Variants in DYSF observed in about 807,000 individuals in gnomAD.
The protein encoded by DYSF is dysferlin, also known as dystrophy-associated fer-1-like 1.
In DYSF, 212 loss-of-function variants were observed where a neutral mutation model predicts 274.9. The ratio of observed to expected loss-of-function variants is 0.77; its 90% confidence interval spans 0.69 to 0.86. DYSF has a LOEUF of 0.86. DYSF is among the 40% of genes least tolerant of loss of function. The pLI, the probability that DYSF is intolerant of heterozygous loss-of-function variation, is 0.00. For missense variants in DYSF, 2,666 were observed against 2,783.2 expected, an observed-to-expected ratio of 0.96 and a Z score of 0.95; for synonymous variants, 1,091 against 1,078.7, an observed-to-expected ratio of 1.01 and a Z score of -0.22.
chr2:71,485,239 T>C (rs919536865), intron 3 of DYSF, among the ~76,000 whole-genome samples: 6 of 152,154 alleles, frequency 3.9e-5, no homozygotes, highest in Non-Finnish European at 8.8e-5. Flanking sequence ...AAAGCAACAC[T>C]GTCATGAGAA....
intron 11 of DYSF, 88 bp downstream of exon 11, chr2:71,520,296 CT>C: frequency 1.4e-6 from 2 of 1,435,096 alleles, no homozygotes; most frequent in Non-Finnish European, 2.0e-6. Flanking sequence ...ACTGTCCCTC[CT>C]GGGGGTTTTA....
At chr2:71,466,976 C>T (rs780833337) in intron 1 of DYSF, 43 bp downstream of exon 1, 109 of 1,536,666 alleles carry the variant, frequency 7.1e-5, no homozygotes, top group Non-Finnish European at 7.2e-5. Context: ...GGGTGCTACC[C>T]GACTCTCGGC....
At chr2:71,662,204 A>G (rs758071609) in intron 45 of DYSF, among the ~76,000 whole-genome samples, 16 of 152,212 alleles carry the variant, frequency 1.1e-4, no homozygotes, top group Non-Finnish European at 2.1e-4. Context: ...AACACAACGC[A>G]TGAGGTGGTT....
At chr2:71,491,534 T>C (rs943753827) in intron 3 of DYSF, among the ~76,000 whole-genome samples, 2 of 152,182 alleles carry the variant, frequency 1.3e-5, no homozygotes, top group Non-Finnish European at 2.9e-5. Context: ...CTAGGACCCA[T>C]TGGTTATTTT....
At chr2:71,593,639 A>G (rs2093333236) in intron 32 of DYSF, among the ~76,000 whole-genome samples, 1 of 152,076 alleles carries the variant, frequency 6.6e-6, no homozygotes, top group African/African-American at 2.4e-5. Flanking sequence ...GAGCTGAGTT[A>G]CTCTTCATTG....
chr2:71,525,968 T>C (rs554668818), intron 12 of DYSF, among the ~76,000 whole-genome samples: 13 of 152,122 alleles, frequency 8.5e-5, no homozygotes, highest in Non-Finnish European at 1.5e-4. Flanking sequence ...GCCACGTGCA[T>C]TTACATCATT....
At chr2:71,592,153 G>C (rs185300130) in intron 32 of DYSF, among the ~76,000 whole-genome samples, 2 of 152,192 alleles carry the variant, frequency 1.3e-5, no homozygotes, top group Non-Finnish European at 2.9e-5. Flanking sequence ...GGCCAGGGGG[G>C]GCCCAGGCAG....
intron 32 of DYSF, among the ~76,000 whole-genome samples, chr2:71,595,992 C>T (rs2093395779): frequency 6.8e-6 from 1 of 148,016 alleles, no homozygotes. Context: ...CACCCCTACT[C>T]CCCTTTTTCC....
chr2:71,642,366 T>C (rs1040322276), intron 41 of DYSF, among the ~76,000 whole-genome samples: 1 of 152,246 alleles, frequency 6.6e-6, no homozygotes, highest in East Asian at 1.9e-4. Context: ...TGGACGTGAC[T>C]GTGTAAGTCA....
At chr2:71,584,098 A>G (rs1270109024) in intron 30 of DYSF, among the ~76,000 whole-genome samples, 5 of 150,914 alleles carry the variant, frequency 3.3e-5, no homozygotes, top group Non-Finnish European at 1.5e-5. Flanking sequence ...TTGCGGTGGC[A>G]TGAGCTATCA....
chr2:71,574,407 G>A, intron 30 of DYSF, 36 bp downstream of exon 30: 6 of 1,605,980 alleles, frequency 3.7e-6, no homozygotes, highest in Non-Finnish European at 3.4e-6. Context: ...CTTGGGTAGG[G>A]TATATCTTGG....
intron 14 of DYSF, among the ~76,000 whole-genome samples, chr2:71,531,450 G>T (rs78523027): frequency 0.066 from 9,988 of 151,928 alleles, 469 homozygotes; most frequent in African/African-American, 0.14. Context: ...TGCTGAGGTT[G>T]AACAAGGTGA....
intron 1 of DYSF, among the ~76,000 whole-genome samples, chr2:71,478,804 G>A (rs2082629616): frequency 6.6e-6 from 1 of 151,926 alleles, no homozygotes; most frequent in Admixed American, 6.6e-5. Flanking sequence ...CCCTCAGATG[G>A]TCTTTTGCTC....
rs34660230 is a variant in DYSF at position 71,574,237 on chromosome 2, G to C, written c.3268G>C (p.Ala1090Pro). 4.3e-6 allele frequency: 7 copies of C among 1,613,924 alleles called. No individual in the cohort carries two copies. The highest frequency in any genetic ancestry group is 5.9e-6 in the Non-Finnish European group (7 of 1,180,030). ...GGCGGAGGGCGAGGGCTGGGAGTAC[G>C]CCTCTCTTTTTGGCTGGAAGTTCCA... ...AEAEGEGWEYASLFGWKFHLE... is the reference protein window; with the variant it reads ...AEAEGEGWEYPSLFGWKFHLE... Residue 1090 changes from alanine (A) to proline (P), a missense_variant, in exon 30 of 56, where the codon GCC (alanine) becomes CCC (proline). Coordinates refer to ENST00000410020, the MANE Select transcript of DYSF (RefSeq NM_001130987.2).
chr2:71,528,257 A>G (rs2088199414), intron 13 of DYSF, 41 bp from the exon 14 acceptor site: 1 of 1,560,078 alleles, frequency 6.4e-7, no homozygotes, highest in Non-Finnish European at 8.8e-7. Flanking sequence ...TTTAGAGGAG[A>G]GACAGCAGGC....
rs116224130 is a variant in DYSF, at chr2:71,605,061, C to T, written c.3957+2256C>T. Reference sequence around the variant, plus strand: ...GTGTGTCTGAGGCTTTGATGATGTCCGGGAGATCTGGGTCCTCGCAGACAG... The same window carrying T: ...GTGTGTCTGAGGCTTTGATGATGTCTGGGAGATCTGGGTCCTCGCAGACAG... On this transcript the variant is annotated intron_variant, in intron 36 of 55. Transcript: ENST00000410020. Among the ~76,000 whole-genome samples, 446 of 152,272 alleles carry T rather than the reference C, an allele frequency of 2.9e-3. 2 individuals are homozygous for T. Among genetic ancestry groups the T allele is most frequent in the African/African-American group, 0.01 (425 of 41,544 alleles).
At chr2:71,621,004 G>A (rs574657575) in intron 41 of DYSF, among the ~76,000 whole-genome samples, 1 of 152,116 alleles carries the variant, frequency 6.6e-6, no homozygotes, top group Non-Finnish European at 1.5e-5. Context: ...CCTCCCTGAT[G>A]TGTGAAGGAT....
At chr2:71,628,751 A>G (rs1033606437) in intron 41 of DYSF, among the ~76,000 whole-genome samples, 1 of 152,010 alleles carries the variant, frequency 6.6e-6, no homozygotes, top group Non-Finnish European at 1.5e-5. Context: ...GGAGTTCGAG[A>G]CCAACCTGGG....
intron 22 of DYSF, among the ~76,000 whole-genome samples, chr2:71,560,498 G>T (rs956281057): frequency 1.4e-5 from 2 of 143,564 alleles, no homozygotes; most frequent in African/African-American, 5.3e-5. Flanking sequence ...CACCCTCGGG[G>T]CAGTAAATAT....
Sources: gnomAD v4.1 joint callset for allele counts (sites outside exome capture counted in the v4.1 genomes callset) on GRCh38, gnomAD v4.1.1 for gene constraint, MANE v1.5 for transcripts, NCBI Gene and HGNC (gene_info 2026-07-23, HGNC 2026-07-21) for gene names.